FAM219A: variants seen among roughly 807,000 people sequenced by gnomAD.
FAM219A encodes the protein family with sequence similarity 219 member A, also known as protein FAM219A.
A neutral mutation model predicts 23.4 loss-of-function variants in FAM219A; 7 were observed. The ratio of observed to expected loss-of-function variants is 0.30; its 90% CI spans 0.17 to 0.56. The LOEUF is 0.56. Among genes scored for constraint, FAM219A ranks in the 20% least tolerant of loss-of-function variants. The pLI is 0.92. For synonymous variants in FAM219A, 93 were observed against 99.0 expected (o/e 0.94, Z 0.36); for missense variants, 166 against 246.9 (o/e 0.67, Z 2.20).
chr9:34,453,602 T>C (rs1299552222), intron 1 of FAM219A, among the ~76,000 whole-genome samples: 1 of 152,206 alleles, frequency 6.6e-6, no homozygotes, highest in Non-Finnish European at 1.5e-5. Context: ...GAGTAGATGC[T>C]CGTGAACTAA....
chr9:34,442,712 A>G (rs1823226189), intron 1 of FAM219A, among the ~76,000 whole-genome samples: 1 of 151,752 alleles, frequency 6.6e-6, no homozygotes, highest in Non-Finnish European at 1.5e-5. Context: ...AAAAAGAGAC[A>G]TGTCAACCAA....
At chr9:34,418,200 TAAA>T (rs536041489) in intron 1 of FAM219A, among the ~76,000 whole-genome samples, 4 of 127,056 alleles carry the variant, frequency 3.1e-5, no homozygotes, top group Non-Finnish European at 5.1e-5. Context: ...AGTGAGATGG[TAAA>T]AAAAAAAAAA....
At chr9:34,448,156 C>A (rs993304262) in intron 1 of FAM219A, among the ~76,000 whole-genome samples, 1 of 152,192 alleles carries the variant, frequency 6.6e-6, no homozygotes, top group African/African-American at 2.4e-5. Flanking sequence ...CAGGCATGAG[C>A]CACTGCACCT....
chr9:34,458,384 G>A lies in FAM219A; in HGVS notation c.-121C>T, dbSNP rs59612922. The A allele has an allele frequency of 6.3e-5, 38 of 601,472 alleles. No homozygotes were observed. In the East Asian group the frequency reaches 1.5e-3, roughly 24 times the overall value. 37.3% of individuals were successfully genotyped at this position (601,472 alleles called of 1,614,324 possible). On this transcript the variant is annotated 5_prime_UTR_variant, in exon 1 of 6. Transcript: ENST00000651358. The surrounding 1 kb of genome is among the most constrained non-coding windows in gnomAD (Gnocchi z 6.6). ...AGACTAGGCCTCCCCGGACCACTCG[G>A]GCGGGCAGGGGCCGGGCGGATGCAG...
At position 34,429,932 on chromosome 9, in the gene FAM219A, CT is replaced by C. The variant is rs553922643; in HGVS notation, c.61-23969del. On this transcript the variant is annotated intron_variant, in intron 1 of 5. Coordinates refer to ENST00000651358, the MANE Select transcript of FAM219A (RefSeq NM_001184940.2). Reference sequence around the variant, plus strand: ...TACAGGGGTATTAGAGACAGAGGACCTTTTAATATTCCCTTGTTCCACTGGT... The same window carrying C: ...TACAGGGGTATTAGAGACAGAGGACCTTTAATATTCCCTTGTTCCACTGGT... Among the ~76,000 whole-genome samples, 5 of 152,268 alleles carry C rather than the reference CT, an allele frequency of 3.3e-5. No homozygotes were observed. The East Asian group carries it at 9.7e-4, about 29-fold the overall frequency.
intron 2 of FAM219A, among the ~76,000 whole-genome samples, 172 bp from the exon 3 acceptor site, chr9:34,402,979 T>C (rs1259299452): frequency 1.3e-5 from 2 of 152,134 alleles, no homozygotes; most frequent in Non-Finnish European, 2.9e-5. Context: ...TACCTGGCCC[T>C]GCACAACCTG....
intron 1 of FAM219A, among the ~76,000 whole-genome samples, chr9:34,416,209 AAGAAAGAAAGAAAGAAAGAAAGAAAG>A (rs1564003220): frequency 3.2e-5 from 4 of 125,218 alleles, no homozygotes; most frequent in South Asian, 2.9e-4. Context: ...GAAAGAAAGA[AAGAAAGAAAGAAAGAAAGAAAGAAAG>A]AAAGAAAGAA....
intron 2 of FAM219A, among the ~76,000 whole-genome samples, chr9:34,404,128 GA>G (rs1479158420): frequency 6.6e-6 from 1 of 152,142 alleles, no homozygotes; most frequent in Non-Finnish European, 1.5e-5. Flanking sequence ...GAAATAGTGG[GA>G]AAAAAGCAAA....
chr9:34,402,566 C>T, intron 3 of FAM219A, 99 bp from the exon 4 acceptor site: 1 of 1,565,546 alleles, frequency 6.4e-7, no homozygotes, highest in Admixed American at 1.7e-5. Flanking sequence ...TTCCCTCCCT[C>T]CCCACCTTGG....
chr9:34,456,294 A>G (rs1446412931), intron 1 of FAM219A, among the ~76,000 whole-genome samples: 1 of 152,220 alleles, frequency 6.6e-6, no homozygotes, highest in Admixed American at 6.5e-5. Flanking sequence ...CTTGCCACAG[A>G]TGCTTCTCCA....
At chr9:34,444,427 CAGGT>C (rs1387638694) in intron 1 of FAM219A, among the ~76,000 whole-genome samples, 5 of 152,154 alleles carry the variant, frequency 3.3e-5, no homozygotes, top group Admixed American at 3.3e-4. Context: ...TTGGAAGACT[CAGGT>C]AGGAGCTCTT....
chr9:34,426,782 G>A (rs1822498280), intron 1 of FAM219A, among the ~76,000 whole-genome samples: 2 of 152,174 alleles, frequency 1.3e-5, no homozygotes, highest in Admixed American at 6.5e-5. Context: ...GGGAAAGTGA[G>A]TGCCTAGTCT....
rs1371814025 is a variant in FAM219A, at chr9:34,399,308, A to T, written c.*1656T>A. ...TTTTTCTTCACACGGTGGCAGGTCT[A>T]CACTGCCCAGCCCCAGGGGTGGGCC... On this transcript the variant is annotated 3_prime_UTR_variant, in exon 6 of 6. Transcript: ENST00000651358. 1 of 152,214 alleles carries T rather than the reference A, an allele frequency of 6.6e-6. No homozygotes were observed. Among genetic ancestry groups the T allele is most frequent in the African/African-American group, 2.4e-5 (1 of 41,378 alleles). The allele number at this position is 152,214 out of a possible 1,614,324, so 9.4% of individuals were successfully genotyped here. A position where few individuals can be genotyped will look rare whatever the true frequency, so the allele number is the denominator to read the frequency against.
chr9:34,450,604 G>T (rs796680924), intron 1 of FAM219A, among the ~76,000 whole-genome samples: 3 of 151,954 alleles, frequency 2.0e-5, no homozygotes, highest in South Asian at 4.1e-4. Context: ...TTTTTAGTAG[G>T]GACGGGATTT....
chr9:34,455,757 A>G (rs1231365839), intron 1 of FAM219A, among the ~76,000 whole-genome samples: 1 of 152,206 alleles, frequency 6.6e-6, no homozygotes, highest in Admixed American at 6.5e-5. Flanking sequence ...GGTCTCAACA[A>G]TACACAGGGT....
chr9:34,444,223 T>C lies in FAM219A; in HGVS notation c.60+13981A>G, dbSNP rs575819259. The stretch of plus-strand genomic sequence containing the variant: ...CCAGCTGCTGCAATTTGCCTGCCAA[T>C]GTGGCTACTGGCTTTCCCACCAGAG... On this transcript the variant is annotated intron_variant, in intron 1 of 5. Coordinates refer to ENST00000651358, the MANE Select transcript of FAM219A (RefSeq NM_001184940.2). 2.2e-4 allele frequency among the ~76,000 whole-genome samples: 34 copies of C among 152,324 alleles called. No individual in the cohort carries two copies. In the East Asian group the frequency reaches 6.0e-3, roughly 27 times the overall value.
chr9:34,440,536 GT>G (rs966270212), intron 1 of FAM219A, among the ~76,000 whole-genome samples: 3 of 150,110 alleles, frequency 2.0e-5, no homozygotes, highest in South Asian at 2.1e-4. Flanking sequence ...GCCCTCACAG[GT>G]TTTTTTTTCT....
Position 34,416,225 on chromosome 9 carries a change from A to T in FAM219A, c.61-10261T>A, listed in dbSNP as rs1003827019. 9.4e-4 allele frequency among the ~76,000 whole-genome samples: 128 copies of T among 136,266 alleles called. 3 individuals are homozygous for T. The highest frequency in any genetic ancestry group is 1.4e-3 in the Admixed American group (19 of 13,196). 89.4% of individuals were successfully genotyped at this position (136,266 alleles called of 152,430 possible). On this transcript the variant is annotated intron_variant, in intron 1 of 5. Transcript: ENST00000651358. The stretch of plus-strand genomic sequence containing the variant: ...AAAGAAAGAAAGAAAGAAAGAAAGA[A>T]AGAAAGAAAGAAAGAAAGAAAGAAA...
chr9:34,428,794 C>G (rs1374349639), intron 1 of FAM219A, among the ~76,000 whole-genome samples: 2 of 152,190 alleles, frequency 1.3e-5, no homozygotes, highest in Non-Finnish European at 2.9e-5. Flanking sequence ...CTGGCAAAGT[C>G]CTCATCTGTT....
Sources: allele counts gnomAD v4.1 joint callset (sites outside exome capture counted in the v4.1 genomes callset), GRCh38; gene constraint gnomAD v4.1.1; non-coding constraint Gnocchi (gnomAD v3.1); transcripts MANE v1.5; gene names NCBI Gene and HGNC (gene_info 2026-07-23, HGNC 2026-07-21).